The following DNASE1 variants were observed in gnomAD, a reference collection of about 807,000 sequenced individuals.
DNASE1 encodes deoxyribonuclease-1.
A neutral mutation model predicts 33.9 loss-of-function variants in DNASE1; 40 were observed. The observed-to-expected ratio is 1.18, with a 90% CI of 0.92 to 1.54. The LOEUF is 1.54. Among genes scored for constraint, DNASE1 ranks in the 40% most tolerant of loss-of-function variants. The pLI, the probability that DNASE1 is intolerant of heterozygous loss-of-function variation, is 0.00. For synonymous variants in DNASE1, 216 were observed against 160.0 expected (o/e 1.35, Z -2.64); for missense variants, 518 against 372.6 (o/e 1.39, Z -3.21).
chr16:3,646,770 G>A (rs953492539), intron 1 of DNASE1, among the ~76,000 whole-genome samples: 3 of 152,304 alleles, frequency 2.0e-5, no homozygotes, highest in African/African-American at 4.8e-5. Flanking sequence ...GGCAGCCAAA[G>A]GGAGAGGCAG....
intron 1 of DNASE1, among the ~76,000 whole-genome samples, chr16:3,616,419 G>A (rs984917313): frequency 2.0e-5 from 3 of 152,166 alleles, no homozygotes; most frequent in African/African-American, 7.2e-5. Flanking sequence ...TCAGGAGTTC[G>A]AGACCAGCCT....
At chr16:3,653,826 A>AAAAAAAAAAAAAAAAAAAAAAC (rs2042428667), upstream of DNASE1, 1 of 145,004 alleles carries the variant, frequency 6.9e-6, no homozygotes, top group African/African-American at 2.6e-5. Context: ...AAAAAAAAAA[A>AAAAAAAAAAAAAAAAAAAAAAC]AAAAAAAAAA....
upstream of DNASE1, among the ~76,000 whole-genome samples, chr16:3,649,757 C>T (rs1442429824): frequency 6.6e-6 from 1 of 152,074 alleles, no homozygotes; most frequent in African/African-American, 2.4e-5. Context: ...TGGGTAGTGT[C>T]CTGGGACCCT....
chr16:3,660,366 G>A (rs534350336), downstream of DNASE1: 6 of 152,402 alleles, frequency 3.9e-5, no homozygotes, highest in Admixed American at 1.3e-4. Context: ...GCTGGGCACA[G>A]TGGCTCTCGC....
At chr16:3,658,574 G>T (rs945365977), downstream of DNASE1, 5 of 584,036 alleles carry the variant, frequency 8.6e-6, no homozygotes, top group East Asian at 1.4e-4. Context: ...TCGGGAGGCT[G>T]AGGCAGGGGA....
intron 1 of DNASE1, among the ~76,000 whole-genome samples, chr16:3,629,138 C>T (rs757473092): frequency 9.8e-5 from 14 of 142,690 alleles, no homozygotes; most frequent in Non-Finnish European, 7.5e-5. Context: ...CGCCACTGCA[C>T]TCCAGCCTGG....
intron 1 of DNASE1, among the ~76,000 whole-genome samples, chr16:3,616,903 G>A (rs2041122681): frequency 6.6e-6 from 1 of 152,166 alleles, no homozygotes. Context: ...TGAAAGAGTA[G>A]TGTCTTCCAC....
At chr16:3,621,034 GT>G (rs1414656817) in intron 1 of DNASE1, among the ~76,000 whole-genome samples, 2 of 151,882 alleles carry the variant, frequency 1.3e-5, no homozygotes, top group Non-Finnish European at 2.9e-5. Flanking sequence ...TCCTGACCTC[GT>G]GATCCACCCG....
At chr16:3,655,279 CCAG>C (rs2042525348) in intron 1 of DNASE1, 91 bp from the exon 2 acceptor site, 5 of 1,564,812 alleles carry the variant, frequency 3.2e-6, no homozygotes, top group Non-Finnish European at 4.3e-6. Context: ...TTGAGCTCCA[CCAG>C]CCCCTGCCAG....
upstream of DNASE1, chr16:3,650,603 C>CAAAAAAA (rs201718600): frequency 1.3e-4 from 8 of 63,344 alleles, no homozygotes; most frequent in African/African-American, 2.4e-4. Flanking sequence ...TATGGTCATT[C>CAAAAAAA]AAAAAAAAAA....
chr16:3,663,195 G>C, exon 10 of DNASE1: 1 of 674,310 alleles, frequency 1.5e-6, no homozygotes, highest in Non-Finnish European at 2.5e-6. Flanking sequence ...CTCTCAAGAA[G>C]CTGGGCCAGC....
At chr16:3,658,242 G>GAGGA, downstream of DNASE1, 1 of 1,608,866 alleles carries the variant, frequency 6.2e-7, no homozygotes, top group Non-Finnish European at 8.5e-7. Flanking sequence ...TGAAAGGCAA[G>GAGGA]AGGAGAAACC....
chr16:3,656,212 C>A (rs372935317), intron 4 of DNASE1, 27 bp downstream of exon 4: 1 of 1,609,244 alleles, frequency 6.2e-7, no homozygotes, highest in East Asian at 2.2e-5. Context: ...GCCAGGAAGC[C>A]CCTCCCTCAC....
downstream of DNASE1, chr16:3,661,800 G>A (rs1369463944): frequency 4.7e-6 from 3 of 638,666 alleles, no homozygotes; most frequent in South Asian, 1.3e-4. Flanking sequence ...ACCTGGGGAT[G>A]GTAAGGGGCT....
intron 5 of DNASE1, 99 bp from the exon 6 acceptor site, chr16:3,656,900 A>AC (rs942148424): frequency 2.1e-5 from 33 of 1,547,948 alleles, no homozygotes; most frequent in Admixed American, 1.8e-4. Context: ...GAAAATATCC[A>AC]CCCCCCGGGG....
intron 1 of DNASE1, among the ~76,000 whole-genome samples, chr16:3,624,875 T>C (rs2041454354): frequency 6.6e-6 from 1 of 152,174 alleles, no homozygotes; most frequent in African/African-American, 2.4e-5. Context: ...TTATTTTTTA[T>C]TTTTAGTAGA....
chr16:3,656,599 C>G, intron 4 of DNASE1, 39 bp from the exon 5 acceptor site: 2 of 1,560,692 alleles, frequency 1.3e-6, no homozygotes, highest in Non-Finnish European at 1.7e-6. Flanking sequence ...GGGCAGCTTC[C>G]AGCCTGGGGT....
At chr16:3,653,839 A>AAAC (rs1567205941), upstream of DNASE1, 1 of 140,286 alleles carries the variant, frequency 7.1e-6, no homozygotes, top group East Asian at 2.1e-4. Flanking sequence ...AAAAAAAAAA[A>AAAC]AACTGAGCAT....
At chr16:3,613,125 A>G (rs1263912354) in intron 1 of DNASE1, among the ~76,000 whole-genome samples, 2 of 152,050 alleles carry the variant, frequency 1.3e-5, no homozygotes, top group African/African-American at 4.8e-5. Context: ...ACCCATTCGT[A>G]GTCACTCCGC....
Sources: allele counts gnomAD v4.1 joint callset (sites outside exome capture counted in the v4.1 genomes callset), GRCh38; gene constraint gnomAD v4.1.1; transcripts MANE v1.5; gene names NCBI Gene and HGNC (gene_info 2026-07-23, HGNC 2026-07-21).